KIRREL1: variants seen among roughly 807,000 people sequenced by gnomAD.
The protein encoded by KIRREL1 is kin of IRRE-like protein 1.
In KIRREL1, 25 loss-of-function variants were observed where a neutral mutation model predicts 83.3. That is an observed-to-expected ratio of 0.30 (90% CI 0.22 to 0.42). The LOEUF is 0.42. Among genes scored for constraint, KIRREL1 ranks in the 10% least tolerant of loss-of-function variants. KIRREL1 has a pLI of 1.00. For synonymous variants in KIRREL1, 388 were observed against 410.4 expected, an observed-to-expected ratio of 0.95 and a Z score of 0.66; for missense variants, 812 against 1,032.3, an observed-to-expected ratio of 0.79 and a Z score of 2.92.
chr1:158,045,229 C>T (rs1167416912), intron 1 of KIRREL1, among the ~76,000 whole-genome samples: 1 of 152,168 alleles, frequency 6.6e-6, no homozygotes, highest in African/African-American at 2.4e-5. Context: ...TACAACACTG[C>T]CATACCTTCC....
intron 1 of KIRREL1, among the ~76,000 whole-genome samples, chr1:158,012,471 T>C (rs918214373): frequency 6.6e-6 from 1 of 152,256 alleles, no homozygotes; most frequent in Non-Finnish European, 1.5e-5. Context: ...ATAGAATGTG[T>C]GGCTTGGTAC....
intron 1 of KIRREL1, among the ~76,000 whole-genome samples, chr1:158,062,481 C>T (rs1043812407): frequency 6.6e-6 from 1 of 152,258 alleles, no homozygotes; most frequent in Non-Finnish European, 1.5e-5. Context: ...TTACTTTACG[C>T]AGAATTGATC....
rs999288128 is a variant in KIRREL1 at position 158,058,883 on chromosome 1, C to T, written c.53-17230C>T. Among the ~76,000 whole-genome samples, 15 of 152,280 alleles carry T rather than the reference C, an allele frequency of 9.9e-5. No homozygotes were observed. The East Asian group carries it at 2.9e-3, about 29-fold the overall frequency. The stretch of plus-strand genomic sequence containing the variant: ...TAATCAGATTTGGCTGCGGCAAGAA[C>T]AGAACATAATACTGAGCTCCTCTCC... On this transcript the variant is annotated intron_variant, in intron 1 of 14. Transcript: ENST00000359209.
chr1:158,019,715 A>G (rs1331095343), intron 1 of KIRREL1, among the ~76,000 whole-genome samples: 1 of 152,126 alleles, frequency 6.6e-6, no homozygotes, highest in Non-Finnish European at 1.5e-5. Context: ...TTGTAGGATC[A>G]TTGCTGAGCT....
intron 3 of KIRREL1, among the ~76,000 whole-genome samples, chr1:158,079,830 C>T (rs974532430): frequency 4.6e-5 from 7 of 152,200 alleles, no homozygotes; most frequent in Non-Finnish European, 8.8e-5. Context: ...CTTTTCTTAG[C>T]AACTGCTGCT....
intron 1 of KIRREL1, among the ~76,000 whole-genome samples, chr1:158,062,179 C>G (rs1245691422): frequency 6.6e-6 from 1 of 152,174 alleles, no homozygotes; most frequent in Non-Finnish European, 1.5e-5. Context: ...GGCCTCTGCT[C>G]TTGGAGCATT....
At chr1:158,034,618 C>G (rs1235414261) in intron 1 of KIRREL1, among the ~76,000 whole-genome samples, 2 of 152,184 alleles carry the variant, frequency 1.3e-5, no homozygotes, top group African/African-American at 4.8e-5. Context: ...AACTGAGATT[C>G]AGCTTCCTAG....
intron 1 of KIRREL1, among the ~76,000 whole-genome samples, chr1:158,042,422 A>C (rs1660655362): frequency 6.6e-6 from 1 of 152,094 alleles, no homozygotes; most frequent in African/African-American, 2.4e-5. Flanking sequence ...ATGAGCCCAA[A>C]AGTATTTGCT....
chr1:158,021,265 C>T (rs1475755916), intron 1 of KIRREL1, among the ~76,000 whole-genome samples: 4 of 151,924 alleles, frequency 2.6e-5, no homozygotes, highest in African/African-American at 9.7e-5. Flanking sequence ...TCTGGTGACC[C>T]GGAGAGATTC....
At chr1:158,073,065 G>A (rs542777316) in intron 1 of KIRREL1, among the ~76,000 whole-genome samples, 4 of 152,228 alleles carry the variant, frequency 2.6e-5, no homozygotes, top group East Asian at 3.9e-4. Context: ...AAGCCAGGTC[G>A]GCATAACCCA....
At chr1:158,020,977 G>T (rs966652335) in intron 1 of KIRREL1, among the ~76,000 whole-genome samples, 1 of 152,238 alleles carries the variant, frequency 6.6e-6, no homozygotes, top group Admixed American at 6.5e-5. Flanking sequence ...CCAGGAGGAA[G>T]AAGCAGTGGC....
chr1:158,087,978 C>T (rs1662066481), intron 6 of KIRREL1, 28 bp from the exon 7 acceptor site: 1 of 1,613,676 alleles, frequency 6.2e-7, no homozygotes. Flanking sequence ...GAGGCCTGAT[C>T]CCACCTCTGT....
intron 1 of KIRREL1, among the ~76,000 whole-genome samples, chr1:157,996,097 T>C (rs968150609): frequency 1.4e-5 from 2 of 139,248 alleles, no homozygotes; most frequent in African/African-American, 5.4e-5. Context: ...GATGGGGGAG[T>C]AGGTGTCAGC....
intron 1 of KIRREL1, among the ~76,000 whole-genome samples, chr1:158,071,944 G>T (rs1661527644): frequency 6.6e-6 from 1 of 152,024 alleles, no homozygotes; most frequent in Non-Finnish European, 1.5e-5. Flanking sequence ...ATGCTACTGG[G>T]TCCCCTCTCC....
At chr1:158,070,976 C>T (rs553846256) in intron 1 of KIRREL1, among the ~76,000 whole-genome samples, 128 of 152,138 alleles carry the variant, frequency 8.4e-4, no homozygotes, top group Non-Finnish European at 1.4e-3. Flanking sequence ...ATTTCCTATC[C>T]AGTGAGAAAA....
At chr1:158,078,608 T>G (rs556902874) in intron 3 of KIRREL1, among the ~76,000 whole-genome samples, 11 of 152,130 alleles carry the variant, frequency 7.2e-5, no homozygotes, top group Admixed American at 7.2e-4. Context: ...CACACAACCC[T>G]TCTTCCCTCA....
At chr1:158,058,221 G>T (rs1206868978) in intron 1 of KIRREL1, among the ~76,000 whole-genome samples, 1 of 152,122 alleles carries the variant, frequency 6.6e-6, no homozygotes, top group Non-Finnish European at 1.5e-5. Context: ...TCAAAGCTTT[G>T]TGGTGCCTGG....
At chr1:158,017,616 C>G (rs757819080) in intron 1 of KIRREL1, among the ~76,000 whole-genome samples, 3 of 151,974 alleles carry the variant, frequency 2.0e-5, no homozygotes, top group Non-Finnish European at 4.4e-5. Flanking sequence ...CGCTTGAACC[C>G]AGGAGGAGGA....
At chr1:158,046,441 C>A (rs948744314) in intron 1 of KIRREL1, among the ~76,000 whole-genome samples, 1 of 152,016 alleles carries the variant, frequency 6.6e-6, no homozygotes, top group Non-Finnish European at 1.5e-5. Context: ...GTGGGGGTGT[C>A]CAGTAAGAAG....
Sources: allele counts gnomAD v4.1 joint callset (sites outside exome capture counted in the v4.1 genomes callset), GRCh38; gene constraint gnomAD v4.1.1; transcripts MANE v1.5; gene names NCBI Gene and HGNC (gene_info 2026-07-23, HGNC 2026-07-21).